Variants in BNC2 observed in about 807,000 individuals in gnomAD.
BNC2 encodes basonuclin zinc finger protein 2.
In BNC2, 20 loss-of-function variants were observed where a neutral mutation model predicts 76.3. That is an observed-to-expected ratio of 0.26 (90% CI 0.18 to 0.38). BNC2 has a LOEUF of 0.38. Ranked by LOEUF, BNC2 falls within the 10% of genes least tolerant of loss-of-function variation. The pLI is 1.00. For synonymous variants in BNC2, 582 were observed against 514.8 expected (o/e 1.13, Z -1.77); for missense variants, 1,382 against 1,399.8 (o/e 0.99, Z 0.20).
At chr9:16,715,454 T>G (rs1012388104) in intron 3 of BNC2, among the ~76,000 whole-genome samples, 1 of 152,242 alleles carries the variant, frequency 6.6e-6, no homozygotes, top group Non-Finnish European at 1.5e-5. Context: ...ATTATCTTCA[T>G]CCATTAAAAT....
At chr9:16,526,799 A>G (rs1159714851) in intron 5 of BNC2, among the ~76,000 whole-genome samples, 1 of 152,214 alleles carries the variant, frequency 6.6e-6, no homozygotes, top group Non-Finnish European at 1.5e-5. Flanking sequence ...TGACACTCCC[A>G]GAACGTGGAT....
intron 1 of BNC2, among the ~76,000 whole-genome samples, chr9:16,833,505 T>C (rs1818631874): frequency 6.6e-6 from 1 of 152,192 alleles, no homozygotes; most frequent in Admixed American, 6.5e-5. Flanking sequence ...TGGTTGACTA[T>C]ATTCCTTTAT....
intron 4 of BNC2, among the ~76,000 whole-genome samples, chr9:16,570,190 T>C (rs1230990408): frequency 6.6e-6 from 1 of 152,206 alleles, no homozygotes; most frequent in African/African-American, 2.4e-5. Flanking sequence ...AAATATATGC[T>C]TTAAACTATC....
rs550357383 is a variant in BNC2, at chr9:16,444,829, T to G, written c.670-7305A>C. ...GTTTTGTAACTGAGATGGGTCCATA[T>G]GTAATAAGCAGATATTTCAACCTTA... On this transcript the variant is annotated intron_variant, in intron 5 of 6. Coordinates refer to ENST00000380672, the MANE Select transcript of BNC2 (RefSeq NM_017637.6). Among the ~76,000 whole-genome samples, 16 of 152,346 alleles carry G rather than the reference T, an allele frequency of 1.1e-4. No homozygotes were observed. In the South Asian group the frequency reaches 3.1e-3, roughly 30 times the overall value.
chr9:16,742,055 T>C (rs537667772), intron 1 of BNC2, among the ~76,000 whole-genome samples: 3 of 151,634 alleles, frequency 2.0e-5, no homozygotes, highest in African/African-American at 7.3e-5. Flanking sequence ...TCATAGTGTA[T>C]AGTTCTTATG....
chr9:16,599,966 G>A (rs1011769232), intron 3 of BNC2, among the ~76,000 whole-genome samples: 8 of 152,048 alleles, frequency 5.3e-5, no homozygotes, highest in Admixed American at 3.3e-4. Flanking sequence ...GCTGGTCTAC[G>A]AAGAATGATA....
At chr9:16,562,542 T>C (rs182354611) in intron 4 of BNC2, among the ~76,000 whole-genome samples, 12 of 152,294 alleles carry the variant, frequency 7.9e-5, no homozygotes, top group Admixed American at 7.8e-4. Flanking sequence ...TAGCAAAATA[T>C]TTACCATTAA....
intron 1 of BNC2, among the ~76,000 whole-genome samples, chr9:16,772,337 G>T (rs1003965599): frequency 3.3e-5 from 5 of 150,888 alleles, no homozygotes; most frequent in Non-Finnish European, 1.5e-5. Flanking sequence ...TGTCATGAGT[G>T]TTTTTTTTTA....
intron 6 of BNC2, among the ~76,000 whole-genome samples, chr9:16,424,930 T>C (rs1820776240): frequency 6.6e-6 from 1 of 152,214 alleles, no homozygotes; most frequent in Non-Finnish European, 1.5e-5. Flanking sequence ...AATGATACTT[T>C]TGACACTATA....
intron 1 of BNC2, among the ~76,000 whole-genome samples, chr9:16,849,282 A>G (rs966570807): frequency 6.6e-6 from 1 of 151,944 alleles, no homozygotes; most frequent in African/African-American, 2.4e-5. Flanking sequence ...AAGCAGACTG[A>G]ATTTTCAAAA....
intron 5 of BNC2, among the ~76,000 whole-genome samples, chr9:16,455,723 T>C (rs998527198): frequency 5.3e-5 from 8 of 150,422 alleles, no homozygotes; most frequent in Non-Finnish European, 1.0e-4. Context: ...ACCCAGGAGA[T>C]GGAGGTTGTA....
intron 5 of BNC2, among the ~76,000 whole-genome samples, chr9:16,444,542 G>C (rs1052310222): frequency 1.3e-5 from 2 of 152,088 alleles, no homozygotes; most frequent in African/African-American, 4.8e-5. Flanking sequence ...GATCACCTCA[G>C]GAGTGAGTGA....
chr9:16,460,021 G>A lies in BNC2; in HGVS notation c.670-22497C>T, dbSNP rs7030972. On this transcript the variant is annotated intron_variant, in intron 5 of 6. Transcript: ENST00000380672. ...ACTGTTGTCAGGTAATTTTTTGTTT[G>A]CCCTAAAGACTATTTTAATACAGAT... Among the ~76,000 whole-genome samples the A allele has an allele frequency of 4.5e-3, 683 of 152,182 alleles. 2 individuals are homozygous for A. The highest frequency in any genetic ancestry group is 0.017 in the Middle Eastern group (5 of 294).
intron 1 of BNC2, among the ~76,000 whole-genome samples, chr9:16,850,025 A>C (rs1194172983): frequency 1.3e-5 from 2 of 152,176 alleles, no homozygotes; most frequent in Non-Finnish European, 2.9e-5. Context: ...AGATTTGCTC[A>C]ACTAAAAAAA....
chr9:16,738,262 T>G, intron 2 of BNC2, 98 bp downstream of exon 2: 1 of 1,324,066 alleles, frequency 7.6e-7, no homozygotes, highest in Non-Finnish European at 1.1e-6. Context: ...AGTAAAAGAG[T>G]GGCAGAAAGA....
intron 1 of BNC2, among the ~76,000 whole-genome samples, chr9:16,759,403 G>C (rs1825487819): frequency 6.6e-6 from 1 of 152,040 alleles, no homozygotes; most frequent in Admixed American, 6.6e-5. Flanking sequence ...TCAGGAGGAG[G>C]AAAACCACCA....
At chr9:16,787,057 T>A (rs1826315255) in intron 1 of BNC2, among the ~76,000 whole-genome samples, 1 of 152,168 alleles carries the variant, frequency 6.6e-6, no homozygotes, top group African/African-American at 2.4e-5. Flanking sequence ...AGCCAATTAG[T>A]ACATTCCCAG....
chr9:16,440,667 T>A (rs59049761), intron 5 of BNC2, among the ~76,000 whole-genome samples: 11,557 of 152,226 alleles, frequency 0.076, 453 homozygotes, highest in Middle Eastern at 0.15. Context: ...TCTTTCTCCC[T>A]ACAGTACAGA....
intron 4 of BNC2, among the ~76,000 whole-genome samples, chr9:16,572,022 G>C (rs1035147716): frequency 6.6e-6 from 1 of 152,046 alleles, no homozygotes; most frequent in African/African-American, 2.4e-5. Flanking sequence ...GTTAGAGGTT[G>C]ATTTGTTTTT....
Sources: gnomAD v4.1 joint callset for allele counts (sites outside exome capture counted in the v4.1 genomes callset) on GRCh38, gnomAD v4.1.1 for gene constraint, MANE v1.5 for transcripts, NCBI Gene and HGNC (gene_info 2026-07-23, HGNC 2026-07-21) for gene names.